The following ABCA6 variants were observed in gnomAD, a reference collection of about 807,000 sequenced individuals.
The protein encoded by ABCA6 is ATP binding cassette subfamily A member 6, also known as ATP-binding cassette sub-family A member 6.
Under a neutral mutation model 191.2 loss-of-function variants are expected in ABCA6, and 164 were observed. The ratio of observed to expected loss-of-function variants is 0.86; its 90% CI spans 0.76 to 0.98. The LOEUF is 0.98. Among genes scored for constraint, ABCA6 ranks in the 50% least tolerant of loss-of-function variants. ABCA6 has a pLI of 0.00. For missense variants in ABCA6, 1,958 were observed against 1,894.1 expected (o/e 1.03, Z -0.63); for synonymous variants, 636 against 647.7 (o/e 0.98, Z 0.27).
At chr17:69,139,093 A>T (rs2073990431) in intron 2 of ABCA6, among the ~76,000 whole-genome samples, 1 of 152,228 alleles carries the variant, frequency 6.6e-6, no homozygotes, top group South Asian at 2.1e-4. Flanking sequence ...AAAATTGACA[A>T]ATGAGATCTA....
At chr17:69,080,491 A>G (rs992485702) in intron 37 of ABCA6, among the ~76,000 whole-genome samples, 1 of 152,162 alleles carries the variant, frequency 6.6e-6, no homozygotes, top group Non-Finnish European at 1.5e-5. Flanking sequence ...GACAGGAGAG[A>G]GAGTGTGGAC....
intron 20 of ABCA6, 71 bp downstream of exon 20, chr17:69,105,391 C>CG: frequency 7.1e-7 from 1 of 1,400,544 alleles, no homozygotes. Context: ...TCACTTCCCC[C>CG]CCCCACCTCC....
In ABCA6 at chr17:69,081,054, G is replaced by T; in HGVS notation, c.4696+12C>A. The T allele has an allele frequency of 1.3e-6, 2 of 1,508,234 alleles. No individual in the cohort carries two copies. The highest frequency in any genetic ancestry group is 1.8e-6 in the Non-Finnish European group (2 of 1,106,992). 93.4% of individuals were successfully genotyped at this position (1,508,234 alleles called of 1,614,324 possible). ...TTCTTCAAAAGATTTATTTGAATGT[G>T]GTCACTCTTACCTGCTTCTAATTTG... On this transcript the variant is annotated intron_variant, in intron 37 of 38. Transcript: ENST00000284425.
chr17:69,089,360 A>G, intron 27 of ABCA6, 105 bp downstream of exon 27: 1 of 1,053,850 alleles, frequency 9.5e-7, no homozygotes, highest in Non-Finnish European at 1.4e-6. Context: ...ATCTAAGATC[A>G]TATAAAAACA....
At chr17:69,125,705 C>T (rs1430832380) in intron 8 of ABCA6, among the ~76,000 whole-genome samples, 4 of 152,096 alleles carry the variant, frequency 2.6e-5, no homozygotes, top group Non-Finnish European at 5.9e-5. Context: ...CACTCTACAG[C>T]TTCTCAGTCT....
chr17:69,105,873 A>G (rs1240097411), intron 19 of ABCA6, 155 bp downstream of exon 19: 9 of 840,562 alleles, frequency 1.1e-5, no homozygotes, highest in African/African-American at 3.4e-5. Context: ...GAGTGTGAAC[A>G]TACAGGTATT....
chr17:69,128,261 T>A (rs1217056844), intron 8 of ABCA6, among the ~76,000 whole-genome samples: 1 of 152,074 alleles, frequency 6.6e-6, no homozygotes, highest in Non-Finnish European at 1.5e-5. Flanking sequence ...TTCATATTCA[T>A]AGTTTATACA....
At chr17:69,098,126 A>T in intron 22 of ABCA6, 99 bp from the exon 23 acceptor site, 1 of 841,252 alleles carries the variant, frequency 1.2e-6, no homozygotes, top group Non-Finnish European at 1.7e-6. Context: ...TGAAAAATCA[A>T]AGTAAAGGTG....
chr17:69,087,113 C>A (rs2072815830), intron 29 of ABCA6, among the ~76,000 whole-genome samples: 1 of 152,140 alleles, frequency 6.6e-6, no homozygotes, highest in South Asian at 2.1e-4. Context: ...ATTATGAAAG[C>A]CCACTTTTCT....
At chr17:69,111,649 G>A (rs1050839389) in intron 16 of ABCA6, 2 of 152,586 alleles carry the variant, frequency 1.3e-5, no homozygotes, top group Admixed American at 6.5e-5. Flanking sequence ...GGCCTACTCA[G>A]CCACGCCGAA....
chr17:69,091,678 A>G lies in ABCA6; in HGVS notation c.3409-416T>C, dbSNP rs1194311391. ...GCTGGGACTACAGGCGCCCGCCACT[A>G]CGCCCGGCTAATTTTTTGTATTTTT... On this transcript the variant is annotated intron_variant, in intron 25 of 38. Coordinates refer to ENST00000284425, the MANE Select transcript of ABCA6 (RefSeq NM_080284.3). Among the ~76,000 whole-genome samples the G allele has an allele frequency of 2.8e-5, 2 of 71,496 alleles. 1 individual carries two copies. The highest frequency in any genetic ancestry group is 1.5e-4 in the African/African-American group (2 of 13,234). The allele number at this position is 71,496 out of a possible 152,430, so 46.9% of individuals were successfully genotyped here.
intron 28 of ABCA6, 30 bp downstream of exon 28, chr17:69,088,137 A>G: frequency 6.5e-7 from 1 of 1,545,682 alleles, no homozygotes; most frequent in South Asian, 1.2e-5. Flanking sequence ...AAAATATGAT[A>G]TTAAGTATAA....
At chr17:69,124,769 C>A (rs2073717233) in intron 9 of ABCA6, 119 bp downstream of exon 9, 3 of 536,394 alleles carry the variant, frequency 5.6e-6, no homozygotes, top group Non-Finnish European at 9.0e-6. Flanking sequence ...AAATAATGAA[C>A]TTATTAGTTT....
rs111760217 is a variant in ABCA6 at position 69,100,686 on chromosome 17, A to T, written c.3012+111T>A. The T allele has an allele frequency of 1.1e-4, 134 of 1,168,708 alleles. 1 individual carries two copies. The African/African-American group carries it at 1.8e-3, about 16-fold the overall frequency. The allele number at this position is 1,168,708 out of a possible 1,614,324, so 72.4% of individuals were successfully genotyped here. A position where few individuals can be genotyped will look rare whatever the true frequency, so the allele number is the denominator to read the frequency against. The stretch of plus-strand genomic sequence containing the variant: ...CCCATTGAAAATATTAGGATAAAAT[A>T]ATAATTTTCAGGCTTAACAATCACT... On this transcript the variant is annotated intron_variant, in intron 22 of 38. Transcript: ENST00000284425.
chr17:69,130,949 A>G (rs568481363), intron 6 of ABCA6, among the ~76,000 whole-genome samples: 1 of 152,248 alleles, frequency 6.6e-6, no homozygotes, highest in Non-Finnish European at 1.5e-5. Context: ...AAATATTTGC[A>G]CGATTTTGCT....
At chr17:69,105,981 C>T in intron 19 of ABCA6, 47 bp downstream of exon 19, 1 of 1,525,378 alleles carries the variant, frequency 6.6e-7, no homozygotes, top group Non-Finnish European at 8.8e-7. Context: ...GTTTGAACCT[C>T]TTTTGAAATT....
intron 6 of ABCA6, 93 bp downstream of exon 6, chr17:69,133,548 G>T: frequency 9.9e-7 from 1 of 1,010,292 alleles, no homozygotes; most frequent in Non-Finnish European, 1.4e-6. Context: ...AATGCATCAA[G>T]TTTAAACCAT....
chr17:69,136,258 T>A lies in ABCA6; in HGVS notation c.302-8A>T. 1 of 1,513,182 alleles carries A rather than the reference T, an allele frequency of 6.6e-7. No homozygotes were observed. The highest frequency in any genetic ancestry group is 8.8e-7 in the Non-Finnish European group (1 of 1,131,470). 93.7% of individuals were successfully genotyped at this position (1,513,182 alleles called of 1,614,324 possible). A position where few individuals can be genotyped will look rare whatever the true frequency, so the allele number is the denominator to read the frequency against. ...CCCCAATGACACTTGTTCCTGTGAA[T>A]TACAAGGTAAAAATAGACATAGAAA... is the stretch of plus-strand genomic sequence containing the variant. On this transcript the variant is annotated splice_region_variant and splice_polypyrimidine_tract_variant and intron_variant, in intron 3 of 38. Coordinates refer to ENST00000284425, the MANE Select transcript of ABCA6 (RefSeq NM_080284.3).
rs141222619 is a variant in ABCA6, at chr17:69,107,583, T to C, written c.2389+113A>G. On this transcript the variant is annotated intron_variant, in intron 18 of 38. Transcript: ENST00000284425. ...CCCATCTCAAACAGCAGAGCCAAAT[T>C]TGGAATGAAATCACATTTCTTAGTG... 72 of 773,908 alleles carry C rather than the reference T, an allele frequency of 9.3e-5. No homozygotes were observed. In the African/African-American group the frequency reaches 1.1e-3, roughly 12 times the overall value. The allele number at this position is 773,908 out of a possible 1,614,324, so 47.9% of individuals were successfully genotyped here.
Sources: allele counts gnomAD v4.1 joint callset (sites outside exome capture counted in the v4.1 genomes callset), GRCh38; gene constraint gnomAD v4.1.1; transcripts MANE v1.5; gene names NCBI Gene and HGNC (gene_info 2026-07-23, HGNC 2026-07-21).